Variants in IRS1 observed in about 807,000 individuals in gnomAD.
IRS1 encodes the protein insulin receptor substrate 1.
Under a neutral mutation model 65.6 loss-of-function variants are expected in IRS1, and 34 were observed. The ratio of observed to expected loss-of-function variants is 0.52; its 90% CI spans 0.39 to 0.69. IRS1 has a LOEUF of 0.69. IRS1 is among the 30% of genes least tolerant of loss of function. IRS1 has a pLI of 0.00. For missense variants in IRS1, 1,641 were observed against 1,720.2 expected, an observed-to-expected ratio of 0.95 and a Z score of 0.81; for synonymous variants, 699 against 683.5, an observed-to-expected ratio of 1.02 and a Z score of -0.35.
At chr2:226,739,465 A>G (rs563953211) in intron 1 of IRS1, among the ~76,000 whole-genome samples, 2 of 152,334 alleles carry the variant, frequency 1.3e-5, no homozygotes, top group East Asian at 3.9e-4. Flanking sequence ...TAGTCTCTAT[A>G]GCAGCCAGTC....
At chr2:226,751,383 C>G (rs1045246709) in intron 1 of IRS1, among the ~76,000 whole-genome samples, 1 of 149,684 alleles carries the variant, frequency 6.7e-6, no homozygotes, top group South Asian at 2.1e-4. Flanking sequence ...TCCCGGGTTC[C>G]CGGCATTCTC....
chr2:226,740,947 G>A (rs1014982823), intron 1 of IRS1, among the ~76,000 whole-genome samples: 1 of 151,746 alleles, frequency 6.6e-6, no homozygotes, highest in Non-Finnish European at 1.5e-5. Flanking sequence ...TTAAAGAAAT[G>A]AATCAAAACA....
In IRS1 at chr2:226,799,285, AC is replaced by A; in HGVS notation, c.-548del. ...TCTCCCTCCTCCTTCGCCTCCTCCC[AC>A]CCCCCAACCGTCCCAGCCGCCACCA... On this transcript the variant is annotated 5_prime_UTR_variant, in exon 1 of 2. The change creates a premature stop within an existing upstream ORF in the 5' untranslated region. Coordinates refer to ENST00000305123, the MANE Select transcript of IRS1 (RefSeq NM_005544.3). The surrounding 1 kb of genome is among the most constrained non-coding windows in gnomAD (Gnocchi z 6.1). 1.2e-5 allele frequency: 14 copies of A among 1,170,656 alleles called. No individual in the cohort carries two copies. The highest frequency in any genetic ancestry group is 1.6e-4 in the East Asian group (2 of 12,142). 72.5% of individuals were successfully genotyped at this position (1,170,656 alleles called of 1,614,324 possible). A position where few individuals can be genotyped will look rare whatever the true frequency, so the allele number is the denominator to read the frequency against.
chr2:226,798,622 C>G lies in IRS1; in HGVS notation c.117G>C (p.Gly39=). 1 of 1,613,096 alleles carries G rather than the reference C, an allele frequency of 6.2e-7. No homozygotes were observed. Among genetic ancestry groups the G allele is most frequent in the Non-Finnish European group, 8.5e-7 (1 of 1,179,562 alleles). ...CGTAGTACTCGAGGCGCGCCGGGCCCCCAGCCTCGCTGGCCGCGCGCAGTA... is the reference window on the plus strand; with the variant it reads ...CGTAGTACTCGAGGCGCGCCGGGCCGCCAGCCTCGCTGGCCGCGCGCAGTA... ...FFVLRAASEA[G]GPARLEYYEN... Residue 39 remains glycine (G), a synonymous_variant, in exon 1 of 2, where the codon GGG becomes GGC. Transcript: ENST00000305123. This position sits in a 1 kb window ranked among gnomAD's most constrained non-coding sequence, Gnocchi z 9.4.
chr2:226,791,580 G>A (rs867652189), intron 1 of IRS1, among the ~76,000 whole-genome samples: 1 of 152,028 alleles, frequency 6.6e-6, no homozygotes. Flanking sequence ...GGCTCGGCCT[G>A]CGGGCACCCG....
chr2:226,773,858 G>A (rs1372648050), intron 1 of IRS1, among the ~76,000 whole-genome samples: 3 of 152,134 alleles, frequency 2.0e-5, no homozygotes, highest in Non-Finnish European at 4.4e-5. Flanking sequence ...ATTCCATGCT[G>A]TACCTAGTAA....
intron 1 of IRS1, among the ~76,000 whole-genome samples, chr2:226,764,711 T>G (rs1396793388): frequency 6.6e-6 from 1 of 152,190 alleles, no homozygotes; most frequent in Non-Finnish European, 1.5e-5. Context: ...CAGATCACAG[T>G]GAGGGTGCGC....
Position 226,797,820 on chromosome 2 carries a change from T to C in IRS1, c.919A>G (p.Ser307Gly), listed in dbSNP as rs781558518. ...VGLTRRSRTE[S>G]ITATSPASMV... ...CTGGCCGGGGAGGTGGCGGTGATGCTCTCAGTGCGTGATCGGCGGGTCAGC... is the reference window on the plus strand; with the variant it reads ...CTGGCCGGGGAGGTGGCGGTGATGCCCTCAGTGCGTGATCGGCGGGTCAGC... Residue 307 changes from serine (S) to glycine (G), a missense_variant, in exon 1 of 2, where the codon AGC (serine) becomes GGC (glycine). Ser to Gly is a moderately conservative substitution (Grantham distance 56, BLOSUM62 0). Coordinates refer to ENST00000305123, the MANE Select transcript of IRS1 (RefSeq NM_005544.3). The surrounding 1 kb of genome is among the most constrained non-coding windows in gnomAD (Gnocchi z 8.1). 8.7e-6 allele frequency: 14 copies of C among 1,604,490 alleles called. No homozygotes were observed. In the African/African-American group the frequency reaches 1.9e-4, roughly 21 times the overall value.
Position 226,742,742 on chromosome 2 carries a change from G to A in IRS1, c.*22-6492C>T, listed in dbSNP as rs372333434. ...AAAAAAAAAAAGAAGACCGAAAGGC[G>A]ACCATCAAGCCTGTCAGCTCTGGCA... is the stretch of plus-strand genomic sequence containing the variant. On this transcript the variant is annotated intron_variant, in intron 1 of 1. Transcript: ENST00000305123. 4.7e-4 allele frequency among the ~76,000 whole-genome samples: 67 copies of A among 143,256 alleles called. No homozygotes were observed. The South Asian group carries it at 0.016, about 35-fold the overall frequency. The allele number at this position is 143,256 out of a possible 152,430, so 94.0% of individuals were successfully genotyped here.
intron 1 of IRS1, among the ~76,000 whole-genome samples, chr2:226,748,626 G>A (rs1350955968): frequency 6.6e-6 from 1 of 151,688 alleles, no homozygotes; most frequent in Non-Finnish European, 1.5e-5. Context: ...TCCACACCTC[G>A]GAAGATAATT....
intron 1 of IRS1, among the ~76,000 whole-genome samples, chr2:226,768,185 C>A (rs113567750): frequency 1.3e-3 from 198 of 152,280 alleles, no homozygotes; most frequent in African/African-American, 4.3e-3. Context: ...TCAGTCACTG[C>A]CTCCTTTCTG....
chr2:226,734,255 T>G lies in IRS1; in HGVS notation c.*2017A>C, dbSNP rs767011984. 1 of 152,222 alleles carries G rather than the reference T, an allele frequency of 6.6e-6. No homozygotes were observed. Among genetic ancestry groups the G allele is most frequent in the Non-Finnish European group, 1.5e-5 (1 of 68,034 alleles). The allele number at this position is 152,222 out of a possible 1,614,324, so 9.4% of individuals were successfully genotyped here. A position where few individuals can be genotyped will look rare whatever the true frequency, so the allele number is the denominator to read the frequency against. On this transcript the variant is annotated 3_prime_UTR_variant, in exon 2 of 2. Transcript: ENST00000305123. ...CATATCAGATTTTCAAAATGGGTAG[T>G]GCTCTCTACTAATAGGAAATGATGT... is the stretch of plus-strand genomic sequence containing the variant.
intron 1 of IRS1, among the ~76,000 whole-genome samples, chr2:226,769,762 A>G (rs1408057255): frequency 6.6e-6 from 1 of 152,238 alleles, no homozygotes; most frequent in African/African-American, 2.4e-5. Flanking sequence ...ACAGGTGCAT[A>G]TAAAAATTAG....
intron 1 of IRS1, among the ~76,000 whole-genome samples, chr2:226,755,230 G>A (rs10498210): frequency 0.088 from 13,444 of 152,182 alleles, 1,125 homozygotes; most frequent in African/African-American, 0.22. Flanking sequence ...GTCCTTTGAC[G>A]TTAGAAGCCA....
intron 1 of IRS1, among the ~76,000 whole-genome samples, chr2:226,745,812 G>T (rs569217319): frequency 6.6e-6 from 1 of 152,226 alleles, no homozygotes; most frequent in South Asian, 2.1e-4. Context: ...TAGCAAGCAA[G>T]GATGAATCCA....
At position 226,799,103 on chromosome 2, in the gene IRS1, G is replaced by T; in HGVS notation, c.-365C>A. On this transcript the variant is annotated 5_prime_UTR_variant, in exon 1 of 2. Transcript: ENST00000305123. The surrounding 1 kb of genome is among the most constrained non-coding windows in gnomAD (Gnocchi z 6.1). Reference sequence around the variant, plus strand: ...CCCCGGCTGGAGTCCGGCACAGGGAGGCGACAGTCGGGGGTCCCTGCGGTG... The same window carrying T: ...CCCCGGCTGGAGTCCGGCACAGGGATGCGACAGTCGGGGGTCCCTGCGGTG... 1 of 1,196,980 alleles carries T rather than the reference G, an allele frequency of 8.4e-7. No homozygotes were observed. Among genetic ancestry groups the T allele is most frequent in the Non-Finnish European group, 1.1e-6 (1 of 947,736 alleles). 74.1% of individuals were successfully genotyped at this position (1,196,980 alleles called of 1,614,324 possible).
chr2:226,766,937 T>C (rs1218261112), intron 1 of IRS1, among the ~76,000 whole-genome samples: 6 of 151,320 alleles, frequency 4.0e-5, no homozygotes, highest in African/African-American at 1.5e-4. Flanking sequence ...AATTAACACC[T>C]AAAAGCAAAT....
At chr2:226,757,951 T>G (rs1938838408) in intron 1 of IRS1, among the ~76,000 whole-genome samples, 1 of 152,222 alleles carries the variant, frequency 6.6e-6, no homozygotes, top group African/African-American at 2.4e-5. Context: ...AGCCCTAAAT[T>G]TCTAATATGG....
At chr2:226,761,022 T>C (rs1181570211) in intron 1 of IRS1, among the ~76,000 whole-genome samples, 2 of 152,294 alleles carry the variant, frequency 1.3e-5, no homozygotes, top group Non-Finnish European at 1.5e-5. Flanking sequence ...CAGATTCACA[T>C]ATGTGCATTT....
Sources: allele counts gnomAD v4.1 joint callset (sites outside exome capture counted in the v4.1 genomes callset), GRCh38; gene constraint gnomAD v4.1.1; non-coding constraint Gnocchi (gnomAD v3.1); transcripts MANE v1.5; gene names NCBI Gene and HGNC (gene_info 2026-07-23, HGNC 2026-07-21).